Variants in DOCK4 observed in about 807,000 individuals in gnomAD.
DOCK4 encodes dedicator of cytokinesis protein 4.
A neutral mutation model predicts 268.1 loss-of-function variants in DOCK4; 97 were observed. The observed-to-expected ratio is 0.36, with a 90% CI of 0.31 to 0.43. DOCK4 has a LOEUF of 0.43. Among genes scored for constraint, DOCK4 ranks in the 20% least tolerant of loss-of-function variants. The pLI is 1.00. For missense variants in DOCK4, 2,145 were observed against 2,455.7 expected (o/e 0.87, Z 2.67); for synonymous variants, 954 against 887.2 (o/e 1.08, Z -1.34).
chr7:111,945,879 A>T, intron 8 of DOCK4, 81 bp from the exon 9 acceptor site: 1 of 1,035,746 alleles, frequency 9.7e-7, no homozygotes, highest in Non-Finnish European at 1.4e-6. Flanking sequence ...TCTTCATCAC[A>T]ACAGGTAAGC....
rs1554478846 is a variant in DOCK4, at chr7:112,200,725, T to TTAAA, written c.37+5376_37+5377insTTTA. Among the ~76,000 whole-genome samples the TTAAA allele has an allele frequency of 1.2e-3, 123 of 102,776 alleles. 1 individual carries two copies. Among genetic ancestry groups the TTAAA allele is most frequent in the African/African-American group, 3.9e-3 (117 of 29,906 alleles). The allele number at this position is 102,776 out of a possible 152,430, so 67.4% of individuals were successfully genotyped here. On this transcript the variant is annotated intron_variant, in intron 1 of 52. Coordinates refer to ENST00000428084, the MANE Select transcript of DOCK4 (RefSeq NM_001363540.2). ...CTAGCTACCATAACAGCCTCTAAAA[T>TTAAA]AAAAAAAAAAAAACAAAAAAAAACA...
At chr7:112,121,124 T>C (rs1812687987) in intron 1 of DOCK4, among the ~76,000 whole-genome samples, 1 of 152,188 alleles carries the variant, frequency 6.6e-6, no homozygotes, top group African/African-American at 2.4e-5. Context: ...GTATGTTATA[T>C]CCTCATGATA....
chr7:111,826,887 A>T (rs571230010), intron 26 of DOCK4, among the ~76,000 whole-genome samples: 11 of 152,312 alleles, frequency 7.2e-5, no homozygotes, highest in Non-Finnish European at 1.5e-4. Flanking sequence ...AAAATTTTTT[A>T]AAATCTATAT....
chr7:112,000,109 A>G (rs1800303614), intron 3 of DOCK4, among the ~76,000 whole-genome samples: 1 of 152,086 alleles, frequency 6.6e-6, no homozygotes, highest in East Asian at 1.9e-4. Flanking sequence ...GTTTCTCCAT[A>G]CCGATATTTT....
chr7:111,753,001 C>A, intron 42 of DOCK4, among the ~76,000 whole-genome samples: 1 of 34,752 alleles, frequency 2.9e-5, no homozygotes, highest in Non-Finnish European at 7.2e-5. Flanking sequence ...AGTTGATAAG[C>A]TATTGGGGGG....
chr7:112,181,511 G>T (rs949697805), intron 1 of DOCK4, among the ~76,000 whole-genome samples: 19 of 151,798 alleles, frequency 1.3e-4, no homozygotes, highest in African/African-American at 4.4e-4. Context: ...TTAAAAATTA[G>T]CCAGGGATAG....
intron 1 of DOCK4, among the ~76,000 whole-genome samples, chr7:112,097,330 T>G (rs1267835302): frequency 1.3e-5 from 2 of 150,332 alleles, no homozygotes; most frequent in Non-Finnish European, 3.0e-5. Flanking sequence ...TCCCAGCACC[T>G]TGGGAGGCCG....
intron 30 of DOCK4, among the ~76,000 whole-genome samples, chr7:111,794,971 G>C (rs1017488849): frequency 1.8e-4 from 28 of 152,220 alleles, no homozygotes; most frequent in African/African-American, 6.0e-4. Context: ...AAAGTTGTCT[G>C]AGAGTAAATG....
chr7:111,759,431 CTTCTT>C (rs1158897326), intron 40 of DOCK4, among the ~76,000 whole-genome samples: 5 of 152,136 alleles, frequency 3.3e-5, no homozygotes, highest in Non-Finnish European at 7.3e-5. Context: ...ACCTCCTTCT[CTTCTT>C]ATTTAAAGAA....
At position 111,976,821 on chromosome 7, in the gene DOCK4, T is replaced by C. The variant is rs541844085; in HGVS notation, c.701+311A>G. 20 of 194,598 alleles carry C rather than the reference T, an allele frequency of 1.0e-4. No individual in the cohort carries two copies. In the South Asian group the frequency reaches 2.0e-3, roughly 19 times the overall value. The allele number at this position is 194,598 out of a possible 1,614,324, so 12.1% of individuals were successfully genotyped here. A position where few individuals can be genotyped will look rare whatever the true frequency, so the allele number is the denominator to read the frequency against. ...TAAGCAAACTTCTCCAGAGAATCTG[T>C]ATCTTCTTTATGTTACCAATACAAA... On this transcript the variant is annotated intron_variant, in intron 8 of 52. Coordinates refer to ENST00000428084, the MANE Select transcript of DOCK4 (RefSeq NM_001363540.2).
chr7:112,122,486 G>C (rs1812823446), intron 1 of DOCK4, among the ~76,000 whole-genome samples: 1 of 151,886 alleles, frequency 6.6e-6, no homozygotes, highest in South Asian at 2.1e-4. Context: ...GCCCAGGATG[G>C]TCATGAACTC....
At chr7:111,898,690 A>G (rs1790873783) in intron 15 of DOCK4, among the ~76,000 whole-genome samples, 1 of 152,238 alleles carries the variant, frequency 6.6e-6, no homozygotes, top group South Asian at 2.1e-4. Context: ...CCCACTTTAT[A>G]AAATGATTGC....
At chr7:111,729,416 G>T (rs928498829) in intron 52 of DOCK4, among the ~76,000 whole-genome samples, 4 of 152,204 alleles carry the variant, frequency 2.6e-5, no homozygotes, top group Admixed American at 6.5e-5. Flanking sequence ...AGGGTTAGCT[G>T]GGCGTGGTGG....
In DOCK4 at chr7:111,728,237, G is replaced by A. The variant is rs1794776646; in HGVS notation, c.*37C>T. 2.1e-6 allele frequency: 3 copies of A among 1,395,716 alleles called. No homozygotes were observed. The South Asian group carries it at 5.7e-5, about 27-fold the overall frequency. 86.5% of individuals were successfully genotyped at this position (1,395,716 alleles called of 1,614,324 possible). A position where few individuals can be genotyped will look rare whatever the true frequency, so the allele number is the denominator to read the frequency against. ...TCATCATACTTCTTATTTTGTAAAC[G>A]GGCAAAGAATGCATCGCAGGTACAT... On this transcript the variant is annotated 3_prime_UTR_variant, in exon 53 of 53. Transcript: ENST00000428084.
At chr7:112,100,433 G>A (rs1400924509) in intron 1 of DOCK4, among the ~76,000 whole-genome samples, 2 of 152,200 alleles carry the variant, frequency 1.3e-5, no homozygotes, top group African/African-American at 2.4e-5. Context: ...AGAGGCAAGT[G>A]GACACAGATG....
rs200443099 is a variant in DOCK4 at position 111,788,754 on chromosome 7, C to T, written c.3316-7G>A. 1.3e-4 allele frequency: 205 copies of T among 1,579,286 alleles called. No individual in the cohort carries two copies. The highest frequency in any genetic ancestry group is 1.6e-4 in the Non-Finnish European group (188 of 1,160,094). On this transcript the variant is annotated splice_region_variant and splice_polypyrimidine_tract_variant and intron_variant, in intron 31 of 52. Transcript: ENST00000428084. ...CAATTAGCTTGGCTTCCACCTGAAACATACCCAACTATTATTCTCTTTCCT... is the reference window on the plus strand; with the variant it reads ...CAATTAGCTTGGCTTCCACCTGAAATATACCCAACTATTATTCTCTTTCCT...
rs1225657591 is a variant in DOCK4 at position 111,863,437 on chromosome 7, G to T, written c.2408C>A (p.Ser803Tyr). ...GCACTGCAGTTTGATGGCCTGCAGGGAATCATCCACATGCAGGATGGTCGG... is the reference window on the plus strand; with the variant it reads ...GCACTGCAGTTTGATGGCCTGCAGGTAATCATCCACATGCAGGATGGTCGG... ...SLPTILHVDD[S>Y]LQAIKLQCIG... Residue 803 changes from serine to tyrosine, a missense_variant, in exon 23 of 53, where the codon TCC (serine) becomes TAC (tyrosine). Physicochemically the swap from Ser to Tyr is moderately radical, Grantham distance 144 (BLOSUM62 -2). Around this residue, in one of 2 missense-constraint regions of DOCK4, gnomAD observed 1,598 missense variants for 1,986.7 expected, o/e 0.80. Coordinates refer to ENST00000428084, the MANE Select transcript of DOCK4 (RefSeq NM_001363540.2). 1 of 1,614,028 alleles carries T rather than the reference G, an allele frequency of 6.2e-7. No homozygotes were observed. Among genetic ancestry groups the T allele is most frequent in the Admixed American group, 1.7e-5 (1 of 60,026 alleles).
chr7:112,178,482 C>A (rs542814399), intron 1 of DOCK4, among the ~76,000 whole-genome samples: 1 of 152,288 alleles, frequency 6.6e-6, no homozygotes, highest in East Asian at 1.9e-4. Context: ...AAAGACTACA[C>A]CTTTGTCTCG....
rs1313445520 is a variant in DOCK4, at chr7:111,735,116, T to G, written c.5357A>C (p.Lys1786Thr). ...AAGTTTCCCACTATCCGACATGTTC[T>G]TGGCTTCCTTCCCACTGTCCAGGCT... ...SWSLDSGKEA[K>T]NMSDSGKLIS... The change falls in exon 51 of 53, where the codon AAG becomes ACG. Residue 1786 changes from lysine (K) to threonine (T), a missense_variant. Physicochemically the swap from Lys to Thr is moderately conservative, Grantham distance 78 (BLOSUM62 -1). Around this residue, in one of 2 missense-constraint regions of DOCK4, gnomAD observed 547 missense variants for 469.0 expected, o/e 1.17. Transcript: ENST00000428084. 3 of 1,601,510 alleles carry G rather than the reference T, an allele frequency of 1.9e-6. No individual in the cohort carries two copies. The highest frequency in any genetic ancestry group is 1.7e-6 in the Non-Finnish European group (2 of 1,173,986).
Sources: gnomAD v4.1 joint callset for allele counts (sites outside exome capture counted in the v4.1 genomes callset) on GRCh38, gnomAD v4.1.1 for gene constraint, gnomAD v4.1.1 regional missense constraint, MANE v1.5 for transcripts, NCBI Gene and HGNC (gene_info 2026-07-23, HGNC 2026-07-21) for gene names.